Variants in FAT2 observed in about 807,000 individuals in gnomAD.
FAT2 encodes FAT atypical cadherin 2.
FAT2 carries 150 observed loss-of-function variants against 295.3 expected under a neutral mutation model. The ratio of observed to expected loss-of-function variants is 0.51; its 90% CI spans 0.44 to 0.58. FAT2 has a LOEUF of 0.58. Among genes scored for constraint, FAT2 ranks in the 20% least tolerant of loss-of-function variants. The pLI is 0.00. For missense variants in FAT2, 4,868 were observed against 5,442.7 expected (o/e 0.89, Z 3.32); for synonymous variants, 2,026 against 2,150.3 (o/e 0.94, Z 1.60).
At position 151,568,020 on chromosome 5, in the gene FAT2, C is replaced by T. The variant is rs754103933; in HGVS notation, c.912G>A (p.Lys304=). The T allele has an allele frequency of 5.0e-6, 8 of 1,614,100 alleles. No individual in the cohort carries two copies. The highest frequency in any genetic ancestry group is 6.8e-6 in the Non-Finnish European group (8 of 1,180,038). The change falls in exon 2 of 24, where the codon AAG becomes AAA. Residue 304 remains lysine, a synonymous_variant. Coordinates refer to ENST00000261800, the MANE Select transcript of FAT2 (RefSeq NM_001447.3). ...TGAACTCATTGCTCCGGGCATAAGA[C>T]TTGATGGCTTTGAAGTGCTTTCCAG... The part of the protein sequence containing the change: ...GDPGKHFKAI[K]SYARSNEFSL...
intron 12 of FAT2, 63 bp downstream of exon 12, chr5:151,537,730 C>T (rs1001684616): frequency 6.7e-6 from 10 of 1,481,878 alleles, no homozygotes; most frequent in African/African-American, 2.8e-5. Flanking sequence ...AATACCATGG[C>T]ACTGGGCACT....
At chr5:151,591,838 C>A (rs966542744), upstream of FAT2, among the ~76,000 whole-genome samples, 1 of 152,178 alleles carries the variant, frequency 6.6e-6, no homozygotes, top group African/African-American at 2.4e-5. Flanking sequence ...GCTCCTACCT[C>A]ATAAGGTTGT....
At position 151,543,914 on chromosome 5, in the gene FAT2, CA is replaced by C; in HGVS notation, c.7212del (p.Ile2404MetfsTer14). The stretch of plus-strand genomic sequence containing the variant: ...CGGGAGGTGTCTCTGCTGTCAGGGT[CA>C]ATAGCCTGGACTTTAAGAACCAGGT... ...CGHLVLKVQA[I>X]DPDSRDTSRL... On this transcript the variant is annotated frameshift_variant, in exon 10 of 24. Transcript: ENST00000261800. LOFTEE classifies it high-confidence loss of function. 1 of 1,614,168 alleles carries C rather than the reference CA, an allele frequency of 6.2e-7. No individual in the cohort carries two copies. Among genetic ancestry groups the C allele is most frequent in the Non-Finnish European group, 8.5e-7 (1 of 1,180,044 alleles).
At position 151,563,460 on chromosome 5, in the gene FAT2, G is replaced by A. The variant is rs2127641892; in HGVS notation, c.3439C>T (p.Gln1147Ter). Residue 1147 changes from glutamine (Q) to a stop codon, truncating the protein, a stop_gained, in exon 3 of 24, where the codon CAG (glutamine) becomes TAG (stop). Coordinates refer to ENST00000261800, the MANE Select transcript of FAT2 (RefSeq NM_001447.3). LOFTEE classifies it high-confidence loss of function. ...GAGGTGCCCACGGGAGCATCCTCCT[G>A]GATGGAGGGGTAGAACACAGCTTGG... Reference protein sequence around the residue: ...MSQAVFYPSIQEDAPVGTSVL... With the variant: ...MSQAVFYPSI The A allele has an allele frequency of 6.2e-7, 1 of 1,614,198 alleles. No homozygotes were observed. The highest frequency in any genetic ancestry group is 8.5e-7 in the Non-Finnish European group (1 of 1,180,026).
At chr5:151,594,672 T>C (rs1235042154), upstream of FAT2, among the ~76,000 whole-genome samples, 5 of 152,178 alleles carry the variant, frequency 3.3e-5, no homozygotes, top group Admixed American at 6.5e-5. Flanking sequence ...TTCTTCCCTA[T>C]GAACTGGGTG....
rs1481193965 is a variant in FAT2, at chr5:151,554,655, C to T, written c.3652G>A (p.Gly1218Arg). ...HILEVTVLDNGEPSLKSTSRV... is the reference protein window; with the variant it reads ...HILEVTVLDNREPSLKSTSRV... ...GAGGTGGACTTCAGTGAGGGTTCCC[C>T]ATTGTCCAGCACAGTCACCTGGGAG... The change falls in exon 5 of 24, where the codon GGG (glycine) becomes AGG (arginine). Residue 1218 changes from glycine (G) to arginine (R), a missense_variant. Gly to Arg is a moderately radical substitution (Grantham distance 125). Transcript: ENST00000261800. The T allele has an allele frequency of 7.4e-6, 12 of 1,613,244 alleles. No homozygotes were observed. The highest frequency in any genetic ancestry group is 1.0e-5 in the Non-Finnish European group (12 of 1,179,788).
intron 15 of FAT2, among the ~76,000 whole-genome samples, chr5:151,528,934 G>C (rs1311937817): frequency 1.3e-5 from 2 of 152,010 alleles, no homozygotes; most frequent in African/African-American, 4.8e-5. Context: ...CCTATCCCAT[G>C]CCCCATTCCA....
Position 151,507,259 on chromosome 5 carries a change from G to T in FAT2, c.12412C>A (p.Arg4138=), listed in dbSNP as rs144848990. Residue 4138 remains arginine, a synonymous_variant, in exon 23 of 24, where the codon CGG becomes AGG. Transcript: ENST00000261800. ...GGGGGCACACTGCAGACCACTGGCC[G>T]TTGCTTAGAATTGGGTCCAAATGTG... ...LVTFGPNSKQ[R]PVVCSVPPRL... 1 of 1,614,170 alleles carries T rather than the reference G, an allele frequency of 6.2e-7. No homozygotes were observed. Among genetic ancestry groups the T allele is most frequent in the South Asian group, 1.1e-5 (1 of 91,076 alleles).
At chr5:151,521,075 C>G (rs911421152) in intron 19 of FAT2, among the ~76,000 whole-genome samples, 2 of 152,172 alleles carry the variant, frequency 1.3e-5, no homozygotes, top group East Asian at 3.8e-4. Context: ...TTCTAAATCT[C>G]GAAAGGGAGC....
At chr5:151,574,077 C>T (rs1232030267) in intron 1 of FAT2, among the ~76,000 whole-genome samples, 1 of 152,088 alleles carries the variant, frequency 6.6e-6, no homozygotes, top group East Asian at 1.9e-4. Context: ...CTAAACGAGC[C>T]CCCCAATGGC....
intron 1 of FAT2, among the ~76,000 whole-genome samples, chr5:151,586,183 A>T (rs1178470294): frequency 6.6e-6 from 1 of 152,260 alleles, no homozygotes; most frequent in African/African-American, 2.4e-5. Flanking sequence ...ACACGTGAGC[A>T]CATGCAGGCC....
At chr5:151,591,741 C>T (rs1045946212), upstream of FAT2, among the ~76,000 whole-genome samples, 7 of 152,210 alleles carry the variant, frequency 4.6e-5, no homozygotes, top group Admixed American at 1.3e-4. Flanking sequence ...GAAACCCTGG[C>T]ACTGCCACCT....
At chr5:151,592,064 T>G (rs1192166470), upstream of FAT2, among the ~76,000 whole-genome samples, 4 of 152,234 alleles carry the variant, frequency 2.6e-5, no homozygotes, top group Non-Finnish European at 5.9e-5. Flanking sequence ...ACCGATTATG[T>G]GTGCATCACA....
intron 4 of FAT2, among the ~76,000 whole-genome samples, chr5:151,555,475 C>T (rs1757613724): frequency 6.7e-6 from 1 of 149,116 alleles, no homozygotes; most frequent in Non-Finnish European, 1.5e-5. Flanking sequence ...GGTTCAAGTG[C>T]TTCTCCGCCT....
intron 12 of FAT2, among the ~76,000 whole-genome samples, chr5:151,536,568 C>A (rs1452281115): frequency 6.6e-6 from 1 of 152,132 alleles, no homozygotes; most frequent in African/African-American, 2.4e-5. Flanking sequence ...AAAGGAAGTC[C>A]ACTCCACCAG....
chr5:151,590,471 A>G (rs1759355706), intron 1 of FAT2, among the ~76,000 whole-genome samples: 1 of 152,092 alleles, frequency 6.6e-6, no homozygotes, highest in African/African-American at 2.4e-5. Context: ...TATGCATCAG[A>G]TTTCTGCTTT....
At chr5:151,569,671 T>A (rs1467588995) in intron 1 of FAT2, among the ~76,000 whole-genome samples, 2 of 151,796 alleles carry the variant, frequency 1.3e-5, no homozygotes, top group Admixed American at 6.6e-5. Context: ...GAACTCTTAC[T>A]CTTTTTTCCC....
chr5:151,553,311 CG>C lies in FAT2; in HGVS notation c.4021del (p.Arg1341GlyfsTer24), dbSNP rs1285001035. 6.2e-7 allele frequency: 1 copy of C among 1,614,124 alleles called. No homozygotes were observed. Among genetic ancestry groups the C allele is most frequent in the Non-Finnish European group, 8.5e-7 (1 of 1,180,046 alleles). The part of the protein sequence containing the change: ...RLHIEWIPWP[R>X]PSSIPLAFDE... ...AAAGGCCAGAGGGATGGAGGACGGC[CG>C]GGGCCAAGGGATCCACTCAATGTGT... is the stretch of plus-strand genomic sequence containing the variant. On this transcript the variant is annotated frameshift_variant, in exon 6 of 24. Coordinates refer to ENST00000261800, the MANE Select transcript of FAT2 (RefSeq NM_001447.3). LOFTEE classifies it high-confidence loss of function.
intron 14 of FAT2, among the ~76,000 whole-genome samples, chr5:151,530,375 C>T (rs1228602494): frequency 1.3e-5 from 2 of 152,152 alleles, no homozygotes; most frequent in Admixed American, 6.5e-5. Flanking sequence ...GGCCTTTGAT[C>T]CAAATGTCAT....
Sources: gnomAD v4.1 joint callset for allele counts (sites outside exome capture counted in the v4.1 genomes callset) on GRCh38, gnomAD v4.1.1 for gene constraint, MANE v1.5 for transcripts, NCBI Gene and HGNC (gene_info 2026-07-23, HGNC 2026-07-21) for gene names.